The following TPRA1 variants were observed in gnomAD, a reference collection of about 807,000 sequenced individuals.
TPRA1 encodes the protein transmembrane protein adipocyte-associated 1.
TPRA1 carries 28 observed loss-of-function variants against 40.1 expected under a neutral mutation model. That is an observed-to-expected ratio of 0.70 (90% CI 0.52 to 0.96). The LOEUF is 0.96. TPRA1 is among the 40% of genes least tolerant of loss of function. TPRA1 has a pLI of 0.00. For synonymous variants in TPRA1, 219 were observed against 209.7 expected, an observed-to-expected ratio of 1.04 and a Z score of -0.38; for missense variants, 441 against 482.6, an observed-to-expected ratio of 0.91 and a Z score of 0.81.
Position 127,576,987 on chromosome 3 carries a change from C to T in TPRA1, c.345+3G>A. 6.2e-7 allele frequency: 1 copy of T among 1,613,822 alleles called. No individual in the cohort carries two copies. Among genetic ancestry groups the T allele is most frequent in the Non-Finnish European group, 8.5e-7 (1 of 1,180,012 alleles). On this transcript the variant is annotated splice_donor_region_variant and intron_variant, in intron 4 of 10. Coordinates refer to ENST00000355552, the MANE Select transcript of TPRA1 (RefSeq NM_001136053.4). The surrounding 1 kb of genome is among the most constrained non-coding windows in gnomAD (Gnocchi z 4.6). ...TGGCCTCCCTCAGAGGGCCCAGCCG[C>T]ACCTTATCAGCAACAGTTGCAGCGT...
At chr3:127,575,123 T>A in intron 10 of TPRA1, 62 bp downstream of exon 10, 5 of 1,559,718 alleles carry the variant, frequency 3.2e-6, no homozygotes, top group Non-Finnish European at 4.4e-6. Context: ...CTCACACCCA[T>A]GCTGGAAGAA....
At position 127,572,426 on chromosome 3, in the gene TPRA1, C is replaced by G. The variant is rs537188202; in HGVS notation, c.*1095G>C. On this transcript the variant is annotated 3_prime_UTR_variant, in exon 11 of 11. Transcript: ENST00000355552. Reference sequence around the variant, plus strand: ...GGCTGCCAAAAAGCTCAAAGCCGAACTCAGGTACAAGGGCAGTGGCAGGGA... The same window carrying G: ...GGCTGCCAAAAAGCTCAAAGCCGAAGTCAGGTACAAGGGCAGTGGCAGGGA... Among the ~76,000 whole-genome samples the G allele has an allele frequency of 6.6e-6, 1 of 152,370 alleles. No individual in the cohort carries two copies. Among genetic ancestry groups the G allele is most frequent in the Admixed American group, 6.5e-5 (1 of 15,312 alleles).
At chr3:127,574,849 T>C in intron 10 of TPRA1, 1 of 393,044 alleles carries the variant, frequency 2.5e-6, no homozygotes, top group South Asian at 2.4e-5. Flanking sequence ...CGTGTTCATG[T>C]GTGTATGCAT....
At chr3:127,592,433 C>A (rs2074194121), upstream of TPRA1, among the ~76,000 whole-genome samples, 1 of 132,132 alleles carries the variant, frequency 7.6e-6, no homozygotes, top group Non-Finnish European at 1.5e-5. Context: ...GGTCGGACTG[C>A]GGACTGCAGT....
At chr3:127,580,235 T>TC in intron 1 of TPRA1, 72 bp from the exon 2 acceptor site, 1 of 1,514,264 alleles carries the variant, frequency 6.6e-7, no homozygotes, top group Non-Finnish European at 8.8e-7. Flanking sequence ...GACCTGGGAC[T>TC]CCCAGGGGAA....
Position 127,589,086 on chromosome 3 carries a change from G to C in TPRA1, c.-18+1324C>G, listed in dbSNP as rs558252314. 1.7e-3 allele frequency among the ~76,000 whole-genome samples: 264 copies of C among 152,008 alleles called. 1 individual carries two copies. Among genetic ancestry groups the C allele is most frequent in the African/African-American group, 6.1e-3 (252 of 41,464 alleles). ...GGCAACCCCAGGCCTCCCAGGAACAGGGAAACTGGGACAGACTGTTTCTTC... is the reference window on the plus strand; with the variant it reads ...GGCAACCCCAGGCCTCCCAGGAACACGGAAACTGGGACAGACTGTTTCTTC... On this transcript the variant is annotated intron_variant, in intron 1 of 10. Transcript: ENST00000355552.
At chr3:127,578,496 A>G (rs115797719) in intron 3 of TPRA1, among the ~76,000 whole-genome samples, 2,609 of 152,252 alleles carry the variant, frequency 0.017, 64 homozygotes, top group African/African-American at 0.055. Flanking sequence ...GCCCTGTTAT[A>G]TGTTCCTGGA....
chr3:127,574,149 C>T (rs1458467815), intron 10 of TPRA1, among the ~76,000 whole-genome samples: 1 of 152,264 alleles, frequency 6.6e-6, no homozygotes, highest in Non-Finnish European at 1.5e-5. Flanking sequence ...CCTGTGACCC[C>T]TGCTGCTCAT....
chr3:127,579,600 GC>G, intron 3 of TPRA1, 139 bp downstream of exon 3: 1 of 1,011,260 alleles, frequency 9.9e-7, no homozygotes, highest in Non-Finnish European at 1.4e-6. Context: ...GATCAGAGAT[GC>G]AGAAACAGAT....
intron 2 of TPRA1, 29 bp downstream of exon 2, chr3:127,579,989 CAGCG>C: frequency 6.2e-7 from 1 of 1,612,158 alleles, no homozygotes; most frequent in Non-Finnish European, 8.5e-7. Context: ...CACTGACACT[CAGCG>C]AGCCTGCCCA....
At chr3:127,579,290 C>G (rs965310644) in intron 3 of TPRA1, among the ~76,000 whole-genome samples, 1 of 152,222 alleles carries the variant, frequency 6.6e-6, no homozygotes, top group Admixed American at 6.5e-5. Context: ...CCATTCCCCT[C>G]CCCTCTAGTA....
chr3:127,577,514 A>C (rs1011772765), intron 3 of TPRA1, among the ~76,000 whole-genome samples: 2 of 152,202 alleles, frequency 1.3e-5, no homozygotes, highest in Non-Finnish European at 2.9e-5. Flanking sequence ...ATGCAGCAGA[A>C]GCCTGCCTGG....
At chr3:127,581,170 C>T (rs957340179) in intron 1 of TPRA1, among the ~76,000 whole-genome samples, 5 of 152,214 alleles carry the variant, frequency 3.3e-5, no homozygotes, top group Admixed American at 1.3e-4. Context: ...GGCACCAGAA[C>T]GTAACAGATG....
rs1474148546 is a variant in TPRA1 at position 127,577,006 on chromosome 3, G to A, written c.329C>T (p.Ala110Val). ...VSMTVSTSNA[A>V]TVADKILWEI... ...CAGCCGCACCTTATCAGCAACAGTTGCAGCGTTCGAGGTGCTCACCGTCAT... is the reference window on the plus strand; with the variant it reads ...CAGCCGCACCTTATCAGCAACAGTTACAGCGTTCGAGGTGCTCACCGTCAT... The change falls in exon 4 of 11, where the codon GCA becomes GTA. Residue 110 changes from alanine to valine, a missense_variant. Physicochemically the swap from Ala to Val is moderately conservative, Grantham distance 64. Coordinates refer to ENST00000355552, the MANE Select transcript of TPRA1 (RefSeq NM_001136053.4). 1.2e-6 allele frequency: 2 copies of A among 1,613,700 alleles called. No homozygotes were observed. The highest frequency in any genetic ancestry group is 2.7e-5 in the African/African-American group (2 of 74,926).
chr3:127,575,593 G>A (rs1378346099), intron 8 of TPRA1, 88 bp from the exon 9 acceptor site: 17 of 1,462,594 alleles, frequency 1.2e-5, no homozygotes, highest in Admixed American at 2.1e-5. Context: ...AGCCTGGTGT[G>A]TCCCCCGGGG....
At position 127,590,497 on chromosome 3, in the gene TPRA1, A is replaced by T. The variant is rs1158227647; in HGVS notation, c.-105T>A. On this transcript the variant is annotated 5_prime_UTR_variant, in exon 1 of 11. Coordinates refer to ENST00000355552, the MANE Select transcript of TPRA1 (RefSeq NM_001136053.4). The stretch of plus-strand genomic sequence containing the variant: ...CACTGGGTGTGCGCGGATCCAGCAC[A>T]GGCCGCGGGACTCCGGCCTCCAGCG... 1.3e-5 allele frequency: 2 copies of T among 152,204 alleles called. No individual in the cohort carries two copies. The highest frequency in any genetic ancestry group is 4.8e-5 in the African/African-American group (2 of 41,456). 9.4% of individuals were successfully genotyped at this position (152,204 alleles called of 1,614,324 possible).
intron 1 of TPRA1, among the ~76,000 whole-genome samples, chr3:127,597,259 C>T (rs1453966522): frequency 6.6e-6 from 1 of 152,214 alleles, no homozygotes; most frequent in Non-Finnish European, 1.5e-5. Context: ...TCAGCCCTGC[C>T]TCTGCTCACT....
upstream of TPRA1, among the ~76,000 whole-genome samples, chr3:127,593,000 A>G (rs2074204321): frequency 6.6e-6 from 1 of 152,244 alleles, no homozygotes; most frequent in African/African-American, 2.4e-5. Flanking sequence ...GGCCCCAGGA[A>G]GAATCTTAAA....
At chr3:127,575,366 GC>G in intron 9 of TPRA1, 36 bp downstream of exon 9, 1 of 1,570,588 alleles carries the variant, frequency 6.4e-7, no homozygotes, top group Non-Finnish European at 8.6e-7. Flanking sequence ...CACTTCCCAT[GC>G]CCCCACGAGG....
Sources: gnomAD v4.1 joint callset for allele counts (sites outside exome capture counted in the v4.1 genomes callset) on GRCh38, gnomAD v4.1.1 for gene constraint, Gnocchi (gnomAD v3.1) non-coding constraint, MANE v1.5 for transcripts, NCBI Gene and HGNC (gene_info 2026-07-23, HGNC 2026-07-21) for gene names.